NXPE2: variants seen among roughly 807,000 people sequenced by gnomAD.
NXPE2 encodes the protein neurexophilin and PC-esterase domain family member 2, also known as NXPE family member 2.
Under a neutral mutation model 34.4 loss-of-function variants are expected in NXPE2, and 34 were observed. The observed-to-expected ratio is 0.99, with a 90% CI of 0.75 to 1.31. The LOEUF (loss-of-function observed/expected upper bound fraction) is 1.31, where lower values mean the gene tolerates loss of function less well. Among genes scored for constraint, NXPE2 ranks in the 40% most tolerant of loss-of-function variants. The probability of loss-of-function intolerance (pLI) is 0.00; values close to 1 mark genes in which losing one functional copy is unlikely to be tolerated. For synonymous variants in NXPE2, 235 were observed against 231.3 expected (o/e 1.02, Z -0.15); for missense variants, 649 against 672.5 (o/e 0.97, Z 0.39).
chr11:114,687,727 T>C (rs1249204343), intron 2 of NXPE2, among the ~76,000 whole-genome samples: 1 of 152,108 alleles, frequency 6.6e-6, no homozygotes, highest in Non-Finnish European at 1.5e-5. Flanking sequence ...ATTCTTCTAA[T>C]CCATGAGCAA....
Position 114,698,664 on chromosome 11 carries a change from A to T in NXPE2, c.752A>T (p.Glu251Val). The part of the protein sequence containing the change: ...LCQYMDDRDQ[E>V]AFYCVRPQHM... ...CAGTACATGGATGACAGAGACCAAG[A>T]AGCCTTCTACTGTGTGAGGCCTCAA... Residue 251 changes from glutamate to valine, a missense_variant, in exon 3 of 6, where the codon GAA (glutamate) becomes GTA (valine). Glu to Val is a moderately radical substitution (Grantham distance 121). Coordinates refer to ENST00000389586, the MANE Select transcript of NXPE2 (RefSeq NM_182495.6). The T allele has an allele frequency of 6.2e-7, 1 of 1,614,184 alleles. No homozygotes were observed. The highest frequency in any genetic ancestry group is 8.5e-7 in the Non-Finnish European group (1 of 1,180,016).
the NXPE2 span, chr11:114,530,564 C>T: frequency 6.2e-7 from 1 of 1,613,996 alleles, no homozygotes; most frequent in Non-Finnish European, 8.5e-7. Context: ...CACCTGCCGT[C>T]AGTGCTGGGG....
the NXPE2 span, among the ~76,000 whole-genome samples, chr11:114,627,124 A>C: frequency 6.6e-6 from 1 of 152,100 alleles, no homozygotes; most frequent in Non-Finnish European, 1.5e-5. Flanking sequence ...AACTTCCCCA[A>C]TCTAGCAAGG....
chr11:114,698,863 G>T, intron 3 of NXPE2, 85 bp downstream of exon 3: 4 of 1,274,872 alleles, frequency 3.1e-6, no homozygotes, highest in Non-Finnish European at 4.2e-6. Context: ...TCAAACTTTT[G>T]TATCATGTCA....
At chr11:114,604,413 T>C in the NXPE2 span, among the ~76,000 whole-genome samples, 11 of 151,926 alleles carry the variant, frequency 7.2e-5, no homozygotes, top group African/African-American at 2.4e-4. Flanking sequence ...ATAGTAAGTA[T>C]TGCCTCGTGG....
chr11:114,673,194 T>C, the NXPE2 span, among the ~76,000 whole-genome samples: 1 of 150,938 alleles, frequency 6.6e-6, no homozygotes, highest in Non-Finnish European at 1.5e-5. Flanking sequence ...AATTCACAAA[T>C]ATATAAAATT....
At chr11:114,627,228 A>G in the NXPE2 span, among the ~76,000 whole-genome samples, 178 of 152,198 alleles carry the variant, frequency 1.2e-3, 2 homozygotes, top group Non-Finnish European at 6.6e-4. Flanking sequence ...CAGATTCACC[A>G]AAGTTGAAAT....
At chr11:114,761,495 G>T in the NXPE2 span, among the ~76,000 whole-genome samples, 3 of 151,464 alleles carry the variant, frequency 2.0e-5, no homozygotes, top group African/African-American at 7.3e-5. Context: ...GGCAGGCCCT[G>T]GTTGTGATTT....
the NXPE2 span, chr11:114,571,066 A>G: frequency 9.6e-5 from 155 of 1,614,008 alleles, no homozygotes; most frequent in African/African-American, 2.0e-3. Flanking sequence ...AGATCCTGGA[A>G]AATGTCCTTT....
chr11:114,796,187 T>A, the NXPE2 span, among the ~76,000 whole-genome samples: 8 of 152,182 alleles, frequency 5.3e-5, no homozygotes, highest in African/African-American at 1.2e-4. Context: ...ATTTAAAAAA[T>A]TTATTTTAGA....
the NXPE2 span, among the ~76,000 whole-genome samples, chr11:114,597,287 A>G: frequency 6.6e-6 from 1 of 152,230 alleles, no homozygotes; most frequent in African/African-American, 2.4e-5. Context: ...GGAACATAGC[A>G]AACTGTCAAT....
the NXPE2 span, among the ~76,000 whole-genome samples, chr11:114,761,606 G>A: frequency 2.5e-5 from 3 of 119,882 alleles, no homozygotes; most frequent in Non-Finnish European, 4.8e-5. Context: ...TCGCTCTGTC[G>A]CCCAGGCCGG....
chr11:114,540,623 G>A, the NXPE2 span, among the ~76,000 whole-genome samples: 3 of 152,034 alleles, frequency 2.0e-5, no homozygotes, highest in South Asian at 6.2e-4. Context: ...CAAGTAACTT[G>A]TGACTCTCTT....
the NXPE2 span, among the ~76,000 whole-genome samples, chr11:114,786,758 C>T: frequency 1.4e-4 from 21 of 152,248 alleles, no homozygotes; most frequent in Admixed American, 3.3e-4. Flanking sequence ...TCAACCCACA[C>T]CTACCCCTCA....
the NXPE2 span, among the ~76,000 whole-genome samples, chr11:114,806,864 A>C: frequency 6.6e-6 from 1 of 152,086 alleles, no homozygotes; most frequent in African/African-American, 2.4e-5. Context: ...CTCCTTGAGA[A>C]GAGCAACTCC....
At chr11:114,594,419 G>A in the NXPE2 span, among the ~76,000 whole-genome samples, 4 of 152,164 alleles carry the variant, frequency 2.6e-5, no homozygotes, top group Admixed American at 2.6e-4. Flanking sequence ...GATGAGCTAA[G>A]CATTGAAGAA....
the NXPE2 span, among the ~76,000 whole-genome samples, chr11:114,633,651 T>G: frequency 6.6e-6 from 1 of 150,990 alleles, no homozygotes; most frequent in Non-Finnish European, 1.5e-5. Flanking sequence ...AGTGTGATGT[T>G]CCCCTTCCTG....
chr11:114,534,533 T>C, the NXPE2 span, among the ~76,000 whole-genome samples: 1 of 151,972 alleles, frequency 6.6e-6, no homozygotes, highest in Non-Finnish European at 1.5e-5. Context: ...GTTAAAAACT[T>C]TGAAAAAAAA....
the NXPE2 span, among the ~76,000 whole-genome samples, chr11:114,760,603 A>G: frequency 2.0e-5 from 3 of 152,226 alleles, no homozygotes; most frequent in African/African-American, 7.2e-5. Flanking sequence ...GTCTGTGGAC[A>G]GGGAAGAATC....
Sources: allele counts gnomAD v4.1 joint callset (sites outside exome capture counted in the v4.1 genomes callset), GRCh38; gene constraint gnomAD v4.1.1; transcripts MANE v1.5; gene names NCBI Gene and HGNC (gene_info 2026-07-23, HGNC 2026-07-21).